The following FER variants were observed in gnomAD, a reference collection of about 807,000 sequenced individuals.
FER encodes the protein tyrosine-protein kinase Fer.
A neutral mutation model predicts 111.0 loss-of-function variants in FER; 63 were observed. That is an observed-to-expected ratio of 0.57 (90% CI 0.46 to 0.70). The LOEUF is 0.70. FER is among the 30% of genes least tolerant of loss of function. The probability of loss-of-function intolerance (pLI) is 0.00; values close to 1 mark genes in which losing one functional copy is unlikely to be tolerated. For synonymous variants in FER, 327 were observed against 313.9 expected, an observed-to-expected ratio of 1.04 and a Z score of -0.44; for missense variants, 914 against 954.0, an observed-to-expected ratio of 0.96 and a Z score of 0.55.
chr5:108,952,087 A>G (rs1216605002), intron 11 of FER, among the ~76,000 whole-genome samples: 1 of 152,136 alleles, frequency 6.6e-6, no homozygotes, highest in Non-Finnish European at 1.5e-5. Flanking sequence ...CCAATCAATC[A>G]GGAAAACTTA....
At chr5:109,065,905 T>C (rs1775034822) in intron 16 of FER, among the ~76,000 whole-genome samples, 1 of 152,238 alleles carries the variant, frequency 6.6e-6, no homozygotes, top group South Asian at 2.1e-4. Context: ...AATGTAACCT[T>C]TGTTTGAAAG....
rs978127117 is a variant in FER, at chr5:109,051,903, A to C, written c.1924+4705A>C. ...GATGTGGGCAGGGATCTCTTTTGCA[A>C]GTGTGAACAGCACTCAAGCTGAATC... On this transcript the variant is annotated intron_variant, in intron 16 of 19. Transcript: ENST00000281092. 14 of 1,568,168 alleles carry C rather than the reference A, an allele frequency of 8.9e-6. No homozygotes were observed. The Admixed American group carries it at 2.3e-4, about 26-fold the overall frequency.
intron 5 of FER, among the ~76,000 whole-genome samples, chr5:108,844,999 T>C (rs1440548951): frequency 8.2e-5 from 1 of 12,132 alleles, no homozygotes; most frequent in Non-Finnish European, 1.6e-4. Context: ...TGTGTGTGTA[T>C]ATATATATAT....
At chr5:109,023,952 ATATG>A (rs1768299137) in intron 13 of FER, among the ~76,000 whole-genome samples, 2 of 152,268 alleles carry the variant, frequency 1.3e-5, no homozygotes, top group South Asian at 4.1e-4. Context: ...AGCACTTATT[ATATG>A]TTAGGCACTG....
intron 17 of FER, among the ~76,000 whole-genome samples, chr5:109,153,609 A>G (rs1288461633): frequency 2.0e-5 from 3 of 151,954 alleles, no homozygotes; most frequent in Non-Finnish European, 4.4e-5. Context: ...TATTCACTGC[A>G]TAACACAGTA....
At chr5:109,057,453 AT>A (rs1773795094) in intron 16 of FER, among the ~76,000 whole-genome samples, 2 of 152,194 alleles carry the variant, frequency 1.3e-5, no homozygotes, top group Admixed American at 6.5e-5. Flanking sequence ...ATATTCAGAT[AT>A]TAGAAGGATA....
At chr5:109,055,536 C>T (rs1773504636) in intron 16 of FER, among the ~76,000 whole-genome samples, 1 of 151,968 alleles carries the variant, frequency 6.6e-6, no homozygotes, top group African/African-American at 2.4e-5. Context: ...CCTGTAATCC[C>T]AGCACTTTGG....
At chr5:109,096,273 T>C (rs1007712193) in intron 16 of FER, among the ~76,000 whole-genome samples, 3 of 151,996 alleles carry the variant, frequency 2.0e-5, no homozygotes, top group Non-Finnish European at 4.4e-5. Context: ...CTTCTACTTG[T>C]TTCAGATATT....
At chr5:108,844,640 C>T (rs1354957537) in intron 5 of FER, among the ~76,000 whole-genome samples, 2 of 152,062 alleles carry the variant, frequency 1.3e-5, no homozygotes, top group African/African-American at 2.4e-5. Flanking sequence ...TTTGTAATCC[C>T]TGTCTTCCAC....
intron 15 of FER, among the ~76,000 whole-genome samples, chr5:109,045,596 A>G (rs1168105947): frequency 1.3e-5 from 2 of 152,232 alleles, no homozygotes; most frequent in South Asian, 2.1e-4. Context: ...TCACTGCCCA[A>G]TGTGCTAGAA....
intron 1 of FER, among the ~76,000 whole-genome samples, chr5:108,761,755 A>G (rs547345353): frequency 1.3e-5 from 2 of 152,332 alleles, no homozygotes; most frequent in East Asian, 1.9e-4. Flanking sequence ...TGTCTGATTT[A>G]TGAGAACAGC....
At chr5:109,048,614 G>A (rs1772320059) in intron 16 of FER, among the ~76,000 whole-genome samples, 1 of 152,122 alleles carries the variant, frequency 6.6e-6, no homozygotes. Context: ...CTAGTAACCT[G>A]TTTATATTTT....
chr5:109,097,263 T>C (rs1382402454), intron 16 of FER, among the ~76,000 whole-genome samples: 1 of 151,896 alleles, frequency 6.6e-6, no homozygotes. Context: ...ATAAGCTGAC[T>C]ATTAAGAACA....
chr5:109,181,897 C>G (rs188680206), intron 18 of FER, among the ~76,000 whole-genome samples: 240 of 152,298 alleles, frequency 1.6e-3, no homozygotes, highest in African/African-American at 5.5e-3. Context: ...AATAAGCATC[C>G]TCCTCCCATT....
At chr5:108,877,551 A>G (rs1765213196) in intron 8 of FER, among the ~76,000 whole-genome samples, 1 of 152,238 alleles carries the variant, frequency 6.6e-6, no homozygotes, top group Admixed American at 6.5e-5. Context: ...CATCCATAAA[A>G]ATCCTATGCT....
At chr5:108,823,279 GT>G (rs887168770) in intron 3 of FER, among the ~76,000 whole-genome samples, 2 of 152,160 alleles carry the variant, frequency 1.3e-5, no homozygotes, top group African/African-American at 4.8e-5. Flanking sequence ...TATTGATTTT[GT>G]TTTCTTTGGC....
intron 17 of FER, among the ~76,000 whole-genome samples, chr5:109,122,780 T>C (rs1751150105): frequency 6.6e-6 from 1 of 152,206 alleles, no homozygotes; most frequent in Non-Finnish European, 1.5e-5. Flanking sequence ...ATAATTGTTA[T>C]ATATCTTGCT....
intron 17 of FER, among the ~76,000 whole-genome samples, chr5:109,138,144 G>A (rs924967085): frequency 2.0e-5 from 3 of 152,084 alleles, no homozygotes; most frequent in African/African-American, 7.2e-5. Flanking sequence ...AAGGAGGGTG[G>A]GAGAAAGAGG....
chr5:108,980,698 CAG>C (rs953616301), intron 13 of FER, among the ~76,000 whole-genome samples: 1 of 152,086 alleles, frequency 6.6e-6, no homozygotes, highest in Non-Finnish European at 1.5e-5. Context: ...AGACCGATAA[CAG>C]AGTGAATTTC....
Sources: gnomAD v4.1 joint callset for allele counts (sites outside exome capture counted in the v4.1 genomes callset) on GRCh38, gnomAD v4.1.1 for gene constraint, MANE v1.5 for transcripts, NCBI Gene and HGNC (gene_info 2026-07-23, HGNC 2026-07-21) for gene names.